MTA1: variants seen among roughly 807,000 people sequenced by gnomAD.
The protein encoded by MTA1 is metastasis associated 1.
MTA1 carries 15 observed loss-of-function variants against 97.0 expected under a neutral mutation model. That is an observed-to-expected ratio of 0.15 (90% confidence interval 0.10 to 0.24). MTA1 has a LOEUF of 0.24. Among genes scored for constraint, MTA1 ranks in the 10% least tolerant of loss-of-function variants. The pLI is 1.00. For missense variants in MTA1, 709 were observed against 1,015.1 expected, an observed-to-expected ratio of 0.70 and a Z score of 4.10; for synonymous variants, 435 against 417.5, an observed-to-expected ratio of 1.04 and a Z score of -0.51.
At chr14:105,457,787 A>G (rs1357392317) in intron 7 of MTA1, among the ~76,000 whole-genome samples, 1 of 152,080 alleles carries the variant, frequency 6.6e-6, no homozygotes, top group Non-Finnish European at 1.5e-5. Flanking sequence ...TTAGCTGGGC[A>G]TGGTGTCGGT....
At chr14:105,442,259 G>A (rs6576098) in intron 2 of MTA1, among the ~76,000 whole-genome samples, 139,660 of 152,278 alleles carry the variant, frequency 0.92, 65,202 homozygotes, top group Non-Finnish European at 1. Flanking sequence ...GAGGCTCCAC[G>A]CCCAGCCAAG....
At chr14:105,462,634 C>T (rs1041825599) in intron 10 of MTA1, among the ~76,000 whole-genome samples, 5 of 151,308 alleles carry the variant, frequency 3.3e-5, no homozygotes, top group African/African-American at 4.9e-5. Flanking sequence ...TTTGGGAGGC[C>T]GAAGTGGGTG....
intron 2 of MTA1, among the ~76,000 whole-genome samples, chr14:105,440,165 G>T (rs1429465791): frequency 2.0e-5 from 3 of 152,228 alleles, no homozygotes; most frequent in Admixed American, 2.0e-4. Flanking sequence ...GCTGGGCAGG[G>T]CCTGCCCGCC....
At chr14:105,439,349 C>T (rs782582197) in intron 2 of MTA1, among the ~76,000 whole-genome samples, 4 of 152,182 alleles carry the variant, frequency 2.6e-5, no homozygotes, top group African/African-American at 9.6e-5. Flanking sequence ...GCTGTTTGGT[C>T]GGGGGACGTG....
Position 105,464,552 on chromosome 14 carries a change from A to C in MTA1, c.1329A>C (p.Pro443=), listed in dbSNP as rs1052854756. 7.4e-6 allele frequency: 12 copies of C among 1,612,836 alleles called. No individual in the cohort carries two copies. The highest frequency in any genetic ancestry group is 1.0e-5 in the Non-Finnish European group (12 of 1,179,928). The part of the protein sequence containing the change: ...PTRLDGERPG[P]NRSNMSPHGL... ...GGTTAGATGGAGAGAGGCCAGGACC[A>C]AACCGCAGTAACATGGTAAGGGGGG... Residue 443 remains proline (P), a synonymous_variant, in exon 14 of 21, where the codon CCA becomes CCC. Coordinates refer to ENST00000331320, the MANE Select transcript of MTA1 (RefSeq NM_004689.4).
Position 105,470,286 on chromosome 14 carries a change from GCCCGCC to G in MTA1, c.*74_*79del. The G allele has an allele frequency of 8.4e-7, 1 of 1,184,382 alleles. No individual in the cohort carries two copies. Among genetic ancestry groups the G allele is most frequent in the Non-Finnish European group, 1.0e-6 (1 of 955,500 alleles). 73.4% of individuals were successfully genotyped at this position (1,184,382 alleles called of 1,614,324 possible). On this transcript the variant is annotated 3_prime_UTR_variant, in exon 21 of 21. Transcript: ENST00000331320. ...ACGGCCCCTTCCCAGCCAGCCCGCC[GCCCGCC>G]CCTCAGTTTGGTAGTGCCCCACCTC...
At chr14:105,449,307 G>A (rs2082831779) in intron 3 of MTA1, 52 bp from the exon 4 acceptor site, 2 of 1,578,766 alleles carry the variant, frequency 1.3e-6, no homozygotes, top group African/African-American at 1.3e-5. Flanking sequence ...CAGGGAGCAG[G>A]CCGCCACCCT....
chr14:105,439,405 G>A (rs1555425163), intron 2 of MTA1, among the ~76,000 whole-genome samples: 1 of 152,174 alleles, frequency 6.6e-6, no homozygotes, highest in Non-Finnish European at 1.5e-5. Context: ...CCTTCCTGGG[G>A]GGTGGTGACA....
At chr14:105,458,206 G>A in intron 7 of MTA1, 64 bp from the exon 8 acceptor site, 1 of 1,427,330 alleles carries the variant, frequency 7.0e-7, no homozygotes, top group Non-Finnish European at 9.8e-7. Context: ...CACCCGGGGA[G>A]GAGAGGCGCG....
intron 9 of MTA1, 31 bp downstream of exon 9, chr14:105,460,488 C>T (rs1555430761): frequency 1.3e-6 from 2 of 1,568,642 alleles, no homozygotes; most frequent in Non-Finnish European, 8.6e-7. Flanking sequence ...ACAGGTGAGA[C>T]CTGGGGTGGC....
intron 10 of MTA1, among the ~76,000 whole-genome samples, chr14:105,462,635 G>C (rs1555431293): frequency 4.0e-5 from 6 of 151,802 alleles, no homozygotes; most frequent in African/African-American, 1.5e-4. Flanking sequence ...TTGGGAGGCC[G>C]AAGTGGGTGG....
chr14:105,461,479 C>A (rs1369276304), intron 10 of MTA1, among the ~76,000 whole-genome samples: 2 of 152,192 alleles, frequency 1.3e-5, no homozygotes, highest in East Asian at 3.8e-4. Flanking sequence ...TAAAATACTT[C>A]TAAATTAATC....
chr14:105,464,368 G>A (rs782462309), intron 13 of MTA1, 48 bp from the exon 14 acceptor site: 19 of 1,603,730 alleles, frequency 1.2e-5, no homozygotes, highest in East Asian at 4.5e-5. Flanking sequence ...CTCTGACATC[G>A]CTGGTTCTGC....
chr14:105,438,769 G>A lies in MTA1; in HGVS notation c.96+30G>A, dbSNP rs782768882. Reference sequence around the variant, plus strand: ...TGGGGGGCCCTGGTGTTGCTGCAGGGGGGTAGTGGGTGGGGGCTACGCCAG... The same window carrying A: ...TGGGGGGCCCTGGTGTTGCTGCAGGAGGGTAGTGGGTGGGGGCTACGCCAG... On this transcript the variant is annotated intron_variant, in intron 2 of 20. Transcript: ENST00000331320. 10 of 1,609,784 alleles carry A rather than the reference G, an allele frequency of 6.2e-6. No homozygotes were observed. The East Asian group carries it at 6.7e-5, about 11-fold the overall frequency.
chr14:105,452,638 C>T (rs1177640480), intron 6 of MTA1, among the ~76,000 whole-genome samples: 1 of 152,166 alleles, frequency 6.6e-6, no homozygotes, highest in Non-Finnish European at 1.5e-5. Flanking sequence ...AGCAAGATCG[C>T]ACCACTGTAC....
At chr14:105,464,213 C>T in intron 13 of MTA1, 66 bp downstream of exon 13, 2 of 1,527,604 alleles carry the variant, frequency 1.3e-6, no homozygotes, top group East Asian at 2.3e-5. Flanking sequence ...CCTGCGTTGG[C>T]CCTGAGGGCT....
chr14:105,463,827 G>T lies in MTA1; in HGVS notation c.1077-205G>T. Reference sequence around the variant, plus strand: ...CCTGAGCTGGGCTCCATGCTAGGGGGAGCACGGGGGCCTGGAGAACGGCTC... The same window carrying T: ...CCTGAGCTGGGCTCCATGCTAGGGGTAGCACGGGGGCCTGGAGAACGGCTC... On this transcript the variant is annotated intron_variant, in intron 12 of 20. Coordinates refer to ENST00000331320, the MANE Select transcript of MTA1 (RefSeq NM_004689.4). The surrounding 1 kb of genome is among the most constrained non-coding windows in gnomAD (Gnocchi z 5.9). The T allele has an allele frequency of 3.1e-6, 2 of 646,454 alleles. No individual in the cohort carries two copies. The highest frequency in any genetic ancestry group is 5.5e-6 in the Non-Finnish European group (2 of 364,626). The allele number at this position is 646,454 out of a possible 1,614,324, so 40.0% of individuals were successfully genotyped here.
At chr14:105,469,056 C>G (rs933634075) in intron 18 of MTA1, 2 of 421,488 alleles carry the variant, frequency 4.7e-6, no homozygotes, top group Admixed American at 5.6e-5. Context: ...AAAGCCCGGC[C>G]TCCTGGTGGG....
In MTA1 at chr14:105,441,686, C is replaced by T. The variant is rs587600846; in HGVS notation, c.96+2947C>T. On this transcript the variant is annotated intron_variant, in intron 2 of 20. Transcript: ENST00000331320. ...GCGGGCGCCTGTGATCCCAGCTACT[C>T]GGGAGGCTGAGGCAGGAGAATGGCG... 1.7e-3 allele frequency among the ~76,000 whole-genome samples: 256 copies of T among 152,158 alleles called. 1 individual carries two copies. The highest frequency in any genetic ancestry group is 2.7e-3 in the South Asian group (13 of 4,814).
Sources: gnomAD v4.1 joint callset for allele counts (sites outside exome capture counted in the v4.1 genomes callset) on GRCh38, gnomAD v4.1.1 for gene constraint, Gnocchi (gnomAD v3.1) non-coding constraint, MANE v1.5 for transcripts, NCBI Gene and HGNC (gene_info 2026-07-23, HGNC 2026-07-21) for gene names.